Variants in LRFN5 observed in about 807,000 individuals in gnomAD.
The protein encoded by LRFN5 is leucine rich repeat and fibronectin type III domain containing 5, also known as leucine-rich repeat and fibronectin type-III domain-containing protein 5.
In LRFN5, 24 loss-of-function variants were observed where a neutral mutation model predicts 45.6. The observed-to-expected ratio is 0.53, with a 90% confidence interval of 0.38 to 0.74. LRFN5 has a LOEUF of 0.74. Among genes scored for constraint, LRFN5 ranks in the 30% least tolerant of loss-of-function variants. LRFN5 has a pLI of 0.00. For synonymous variants in LRFN5, 340 were observed against 313.8 expected (o/e 1.08, Z -0.88); for missense variants, 776 against 861.5 (o/e 0.90, Z 1.24).
Position 41,887,129 on chromosome 14 carries a change from G to C in LRFN5, c.504G>C (p.Glu168Asp). 6 of 1,614,040 alleles carry C rather than the reference G, an allele frequency of 3.7e-6. No homozygotes were observed. Among genetic ancestry groups the C allele is most frequent in the Non-Finnish European group, 5.1e-6 (6 of 1,180,026 alleles). ...NLETIPWDAV[E>D]KMVSLHTLSL... The stretch of plus-strand genomic sequence containing the variant: ...AAACCATTCCTTGGGATGCTGTTGA[G>C]AAGATGGTTAGCTTGCATACCCTTA... Residue 168 changes from glutamate to aspartate, a missense_variant, in exon 3 of 6, where the codon GAG (glutamate) becomes GAC (aspartate). By Grantham distance (45) the Glu-to-Asp change is conservative. This residue lies in a region of LRFN5 where 311 missense variants were observed against 405.1 expected (regional missense o/e 0.77). Transcript: ENST00000298119. The surrounding 1 kb of genome is among the most constrained non-coding windows in gnomAD (Gnocchi z 4.8).
chr14:41,672,683 G>A (rs1259085232), intron 1 of LRFN5, among the ~76,000 whole-genome samples: 1 of 152,076 alleles, frequency 6.6e-6, no homozygotes, highest in East Asian at 1.9e-4. Flanking sequence ...GTTTTTACAT[G>A]AAACTCATTG....
At chr14:41,852,371 A>G (rs1212021470) in intron 2 of LRFN5, among the ~76,000 whole-genome samples, 1 of 151,926 alleles carries the variant, frequency 6.6e-6, no homozygotes, top group East Asian at 1.9e-4. Context: ...TTGATAATCT[A>G]TGAAAAATGA....
intron 2 of LRFN5, among the ~76,000 whole-genome samples, chr14:41,880,739 A>G (rs1890350487): frequency 6.6e-6 from 1 of 152,124 alleles, no homozygotes; most frequent in Non-Finnish European, 1.5e-5. Flanking sequence ...CGTATCTCCA[A>G]TTGTAACTGT....
At chr14:41,681,912 G>T (rs1168192232) in intron 1 of LRFN5, among the ~76,000 whole-genome samples, 1 of 151,020 alleles carries the variant, frequency 6.6e-6, no homozygotes, top group South Asian at 2.1e-4. Context: ...TCTGCCTCCC[G>T]GATTCAAGCA....
At chr14:41,780,723 A>G (rs1332122652) in intron 2 of LRFN5, among the ~76,000 whole-genome samples, 2 of 151,908 alleles carry the variant, frequency 1.3e-5, no homozygotes, top group African/African-American at 2.4e-5. Context: ...AGTTGTTTCT[A>G]TTCATTTCAG....
intron 1 of LRFN5, among the ~76,000 whole-genome samples, chr14:41,762,065 G>A (rs1409741724): frequency 6.7e-6 from 1 of 149,344 alleles, no homozygotes; most frequent in Non-Finnish European, 1.5e-5. Flanking sequence ...ATGAAACATA[G>A]TGAATGAGTC....
chr14:41,741,409 G>A lies in LRFN5; in HGVS notation c.-196-25445G>A, dbSNP rs150627918. ...ACAGAAGCAAACCTGACTATTTAAGGTCAATTGATTTTCCACAAAGATAAA... is the reference window on the plus strand; with the variant it reads ...ACAGAAGCAAACCTGACTATTTAAGATCAATTGATTTTCCACAAAGATAAA... On this transcript the variant is annotated intron_variant, in intron 1 of 5. Transcript: ENST00000298119. Among the ~76,000 whole-genome samples, 151 of 151,830 alleles carry A rather than the reference G, an allele frequency of 9.9e-4. 1 individual carries two copies. Among genetic ancestry groups the A allele is most frequent in the African/African-American group, 2.9e-3 (121 of 41,544 alleles).
intron 1 of LRFN5, among the ~76,000 whole-genome samples, chr14:41,715,581 G>T (rs1459329250): frequency 6.6e-6 from 1 of 152,102 alleles, no homozygotes. Flanking sequence ...TGCTATAACA[G>T]AATACCACAG....
At chr14:41,618,552 C>T (rs2138552627) in intron 1 of LRFN5, among the ~76,000 whole-genome samples, 1 of 152,264 alleles carries the variant, frequency 6.6e-6, no homozygotes, top group Non-Finnish European at 1.5e-5. Flanking sequence ...ATATTCAAAC[C>T]TCCAGATAAT....
intron 2 of LRFN5, among the ~76,000 whole-genome samples, chr14:41,859,881 A>G (rs1041011670): frequency 1.3e-5 from 2 of 152,144 alleles, no homozygotes; most frequent in Non-Finnish European, 2.9e-5. Flanking sequence ...CAGGTTTCTT[A>G]TACATAATAA....
intron 1 of LRFN5, among the ~76,000 whole-genome samples, chr14:41,624,302 C>T (rs1487506678): frequency 6.6e-6 from 1 of 151,832 alleles, no homozygotes; most frequent in Non-Finnish European, 1.5e-5. Flanking sequence ...ACAATTAATC[C>T]TTTTGTGAAA....
At chr14:41,735,527 C>T (rs575932823) in intron 1 of LRFN5, among the ~76,000 whole-genome samples, 5 of 152,150 alleles carry the variant, frequency 3.3e-5, no homozygotes, top group East Asian at 1.9e-4. Flanking sequence ...CTGCGTCAGC[C>T]CCCCCACGTG....
chr14:41,738,077 A>G (rs13169802), intron 1 of LRFN5, among the ~76,000 whole-genome samples: 25,227 of 152,134 alleles, frequency 0.17, 2,191 homozygotes, highest in Admixed American at 0.19. Flanking sequence ...GAGGCATCAC[A>G]TTACCTGACT....
At chr14:41,635,155 A>G (rs1250140988) in intron 1 of LRFN5, among the ~76,000 whole-genome samples, 2 of 152,108 alleles carry the variant, frequency 1.3e-5, no homozygotes, top group Non-Finnish European at 2.9e-5. Context: ...TTTTTGATTT[A>G]TAGTGAATCT....
intron 1 of LRFN5, among the ~76,000 whole-genome samples, chr14:41,628,890 A>T (rs1357503195): frequency 1.3e-5 from 2 of 152,118 alleles, no homozygotes; most frequent in Admixed American, 6.6e-5. Flanking sequence ...GTCAGCGCAT[A>T]CTACATAAGG....
At chr14:41,662,765 C>A (rs1880715355) in intron 1 of LRFN5, among the ~76,000 whole-genome samples, 2 of 152,018 alleles carry the variant, frequency 1.3e-5, no homozygotes, top group Admixed American at 1.3e-4. Flanking sequence ...GGAGTGCTGA[C>A]AACTGCTTCA....
chr14:41,847,896 A>C (rs908223533), intron 2 of LRFN5, among the ~76,000 whole-genome samples: 10 of 151,244 alleles, frequency 6.6e-5, no homozygotes, highest in African/African-American at 2.5e-4. Flanking sequence ...AGGAAGTTTC[A>C]AACACTTTCT....
At position 41,763,248 on chromosome 14, in the gene LRFN5, C is replaced by T. The variant is rs140452716; in HGVS notation, c.-196-3606C>T. ...TCATTTTGAAAGAGAAAAATGGTCA[C>T]AGTTGTGATTTCAGCCTTGGTCTAG... On this transcript the variant is annotated intron_variant, in intron 1 of 5. Transcript: ENST00000298119. Among the ~76,000 whole-genome samples the T allele has an allele frequency of 6.6e-5, 10 of 152,244 alleles. No individual in the cohort carries two copies. The East Asian group carries it at 1.7e-3, about 26-fold the overall frequency.
At chr14:41,711,664 C>T (rs753247312) in intron 1 of LRFN5, among the ~76,000 whole-genome samples, 15 of 152,128 alleles carry the variant, frequency 9.9e-5, no homozygotes, top group Non-Finnish European at 2.1e-4. Flanking sequence ...GAAGCAATCA[C>T]AGTTTCTTTC....
Sources: allele counts gnomAD v4.1 joint callset (sites outside exome capture counted in the v4.1 genomes callset), GRCh38; gene constraint gnomAD v4.1.1; regional missense constraint gnomAD v4.1.1; non-coding constraint Gnocchi (gnomAD v3.1); transcripts MANE v1.5; gene names NCBI Gene and HGNC (gene_info 2026-07-23, HGNC 2026-07-21).